WHRN: variants seen among roughly 807,000 people sequenced by gnomAD.
The protein encoded by WHRN is CASK-interacting protein CIP98.
A neutral mutation model predicts 68.3 loss-of-function variants in WHRN; 41 were observed. That is an observed-to-expected ratio of 0.60 (90% CI 0.47 to 0.78). The LOEUF (loss-of-function observed/expected upper bound fraction) is 0.78, where lower values mean the gene tolerates loss of function less well. WHRN is among the 30% of genes least tolerant of loss of function. The pLI is 0.00. For synonymous variants in WHRN, 560 were observed against 561.3 expected, an observed-to-expected ratio of 1.00 and a Z score of 0.03; for missense variants, 1,243 against 1,244.7, an observed-to-expected ratio of 1.00 and a Z score of 0.02.
At chr9:114,422,842 A>C (rs1836432243) in intron 7 of WHRN, among the ~76,000 whole-genome samples, 1 of 152,164 alleles carries the variant, frequency 6.6e-6, no homozygotes, top group African/African-American at 2.4e-5. Flanking sequence ...CTCGAAAAAC[A>C]AAAAGAAAGT....
chr9:114,407,712 A>G (rs1194530269), intron 8 of WHRN, among the ~76,000 whole-genome samples: 3 of 152,180 alleles, frequency 2.0e-5, no homozygotes, highest in Non-Finnish European at 4.4e-5. Flanking sequence ...GTGGCCAGCC[A>G]GCCTGAAGGC....
chr9:114,494,806 G>A lies in WHRN; in HGVS notation c.618+9378C>T, dbSNP rs908189649. ...AGTTTATACACGTACACTGAAAACA[G>A]TGTCTGGTTCATTCTAAGCCCTCTA... is the stretch of plus-strand genomic sequence containing the variant. On this transcript the variant is annotated intron_variant, in intron 1 of 11. Transcript: ENST00000362057. 2.0e-5 allele frequency among the ~76,000 whole-genome samples: 3 copies of A among 152,188 alleles called. No homozygotes were observed. The South Asian group carries it at 6.2e-4, about 32-fold the overall frequency.
At chr9:114,464,018 A>G (rs1371055170) in intron 3 of WHRN, among the ~76,000 whole-genome samples, 1 of 152,212 alleles carries the variant, frequency 6.6e-6, no homozygotes, top group Non-Finnish European at 1.5e-5. Context: ...GGGGATGGAT[A>G]CCCCATTCTC....
intron 1 of WHRN, among the ~76,000 whole-genome samples, chr9:114,489,492 ACACACACACACGCACACACGCGTG>A (rs1842796491): frequency 1.3e-5 from 1 of 79,102 alleles, no homozygotes; most frequent in Non-Finnish European, 2.8e-5. Context: ...ACACACACGT[ACACACACACACGCACACACGCGTG>A]CACACACACA....
intron 3 of WHRN, among the ~76,000 whole-genome samples, chr9:114,451,336 A>T (rs1444679373): frequency 6.6e-6 from 1 of 152,138 alleles, no homozygotes; most frequent in Non-Finnish European, 1.5e-5. Flanking sequence ...TTTTGGGGCA[A>T]GCTGCTTAAT....
chr9:114,492,621 G>A (rs1418656687), intron 1 of WHRN, among the ~76,000 whole-genome samples: 2 of 152,130 alleles, frequency 1.3e-5, no homozygotes, highest in East Asian at 1.9e-4. Flanking sequence ...ATTTCTGGCA[G>A]GTGAGTGGGT....
In WHRN at chr9:114,423,333, G is replaced by C. The variant is rs774465093; in HGVS notation, c.1607C>G (p.Thr536Ser). 1.2e-6 allele frequency: 2 copies of C among 1,613,990 alleles called. No individual in the cohort carries two copies. The highest frequency in any genetic ancestry group is 1.7e-6 in the Non-Finnish European group (2 of 1,179,922). The change falls in exon 7 of 12, where the codon ACC becomes AGC. Residue 536 changes from threonine (T) to serine (S), a missense_variant. Physicochemically the swap from Thr to Ser is moderately conservative, Grantham distance 58. Transcript: ENST00000362057. ...GCTCACCCTGGCCGAGCTGACGGTG[G>C]TGGAGGTGCCGTGGCTGCCTGTGGA... ...GSSTGSHGTSTTVSSARNTLD... is the reference protein window; with the variant it reads ...GSSTGSHGTSSTVSSARNTLD...
At chr9:114,427,171 T>C (rs1244454870) in intron 3 of WHRN, among the ~76,000 whole-genome samples, 2 of 152,140 alleles carry the variant, frequency 1.3e-5, no homozygotes, top group Non-Finnish European at 2.9e-5. Context: ...GGCAGGAGGA[T>C]TGCTTGAGCC....
At chr9:114,454,681 A>T (rs906777198) in intron 3 of WHRN, among the ~76,000 whole-genome samples, 4 of 132,508 alleles carry the variant, frequency 3.0e-5, no homozygotes, top group Admixed American at 2.3e-4. Flanking sequence ...AATCCCAGGA[A>T]GCTATATTTT....
intron 3 of WHRN, among the ~76,000 whole-genome samples, chr9:114,429,924 A>G (rs1837261033): frequency 6.6e-6 from 1 of 152,120 alleles, no homozygotes; most frequent in Admixed American, 6.5e-5. Context: ...TCCATCTCTC[A>G]TCTCTGCTGG....
intron 3 of WHRN, among the ~76,000 whole-genome samples, chr9:114,466,039 CA>C (rs1176851863): frequency 2.6e-5 from 4 of 152,196 alleles, no homozygotes; most frequent in African/African-American, 7.2e-5. Flanking sequence ...GCAGTGTTTG[CA>C]AAACAGCAGC....
At chr9:114,453,124 T>C (rs889988114) in intron 3 of WHRN, among the ~76,000 whole-genome samples, 1 of 152,250 alleles carries the variant, frequency 6.6e-6, no homozygotes, top group Non-Finnish European at 1.5e-5. Context: ...TGGCTCATGG[T>C]CCTGCAGGCT....
chr9:114,452,580 C>T (rs1839432492), intron 3 of WHRN, among the ~76,000 whole-genome samples: 1 of 152,192 alleles, frequency 6.6e-6, no homozygotes, highest in Non-Finnish European at 1.5e-5. Flanking sequence ...ACAGAGCAGG[C>T]ATTTTTGTTT....
intron 7 of WHRN, among the ~76,000 whole-genome samples, chr9:114,418,407 C>T (rs959850713): frequency 6.6e-6 from 1 of 152,230 alleles, no homozygotes; most frequent in Non-Finnish European, 1.5e-5. Flanking sequence ...GCTGCATGAC[C>T]TTCCCAGGCC....
At chr9:114,481,389 A>G (rs183853696) in intron 1 of WHRN, among the ~76,000 whole-genome samples, 92 of 152,362 alleles carry the variant, frequency 6.0e-4, no homozygotes, top group African/African-American at 2.2e-3. Flanking sequence ...GTATTCTTTT[A>G]GCATTCCCCA....
intron 2 of WHRN, among the ~76,000 whole-genome samples, chr9:114,476,514 G>A (rs1005677115): frequency 3.3e-5 from 5 of 151,950 alleles, no homozygotes; most frequent in East Asian, 1.9e-4. Flanking sequence ...AAAACAGCCC[G>A]TACCTCCCTG....
intron 2 of WHRN, among the ~76,000 whole-genome samples, chr9:114,469,461 G>A (rs1841007530): frequency 6.6e-6 from 1 of 152,218 alleles, no homozygotes; most frequent in Non-Finnish European, 1.5e-5. Flanking sequence ...CTCCTCCTCA[G>A]GGCAGCGAGT....
chr9:114,413,098 T>A lies in WHRN; in HGVS notation c.1627-5080A>T, dbSNP rs1835567711. ...TGAGTGGTTCTTTCTTCATTCTGTA[T>A]GTGGGGAAACTGAGGCACTGAGTCA... is the stretch of plus-strand genomic sequence containing the variant. On this transcript the variant is annotated intron_variant, in intron 7 of 11. Coordinates refer to ENST00000362057, the MANE Select transcript of WHRN (RefSeq NM_015404.4). 2.0e-5 allele frequency among the ~76,000 whole-genome samples: 3 copies of A among 152,208 alleles called. No individual in the cohort carries two copies. In the South Asian group the frequency reaches 6.2e-4, roughly 31 times the overall value.
At chr9:114,457,536 G>A (rs1004458740) in intron 3 of WHRN, among the ~76,000 whole-genome samples, 1 of 152,008 alleles carries the variant, frequency 6.6e-6, no homozygotes, top group East Asian at 1.9e-4. Context: ...AACATAGAAG[G>A]AACATGGGAA....
Sources: gnomAD v4.1 joint callset for allele counts (sites outside exome capture counted in the v4.1 genomes callset) on GRCh38, gnomAD v4.1.1 for gene constraint, MANE v1.5 for transcripts, NCBI Gene and HGNC (gene_info 2026-07-23, HGNC 2026-07-21) for gene names.